NAV3: variants seen among roughly 807,000 people sequenced by gnomAD.
NAV3 encodes neuron navigator 3.
NAV3 carries 87 observed loss-of-function variants against 244.7 expected under a neutral mutation model. That is an observed-to-expected ratio of 0.36 (90% CI 0.30 to 0.42). NAV3 has a LOEUF of 0.42. Among genes scored for constraint, NAV3 ranks in the 20% least tolerant of loss-of-function variants. NAV3 has a pLI of 1.00. For missense variants in NAV3, 2,663 were observed against 2,893.3 expected (o/e 0.92, Z 1.83); for synonymous variants, 1,126 against 1,042.2 (o/e 1.08, Z -1.55).
chr12:77,592,681 G>A (rs977956389), intron 2 of NAV3, among the ~76,000 whole-genome samples: 1 of 152,126 alleles, frequency 6.6e-6, no homozygotes, highest in Non-Finnish European at 1.5e-5. Context: ...TGCATGTGTT[G>A]TACTTTTTCA....
At chr12:77,970,000 C>T in intron 5 of NAV3, among the ~76,000 whole-genome samples, 1 of 152,160 alleles carries the variant, frequency 6.6e-6, no homozygotes, top group East Asian at 1.9e-4. Flanking sequence ...ATAATTTAGA[C>T]TATAGTCTAA....
chr12:78,032,992 T>C (rs1879253703), intron 9 of NAV3, among the ~76,000 whole-genome samples: 1 of 152,188 alleles, frequency 6.6e-6, no homozygotes, highest in South Asian at 2.1e-4. Flanking sequence ...GGAATTTATA[T>C]TCAACTGAAA....
chr12:78,070,779 A>T (rs907209531), intron 12 of NAV3, among the ~76,000 whole-genome samples: 2 of 143,812 alleles, frequency 1.4e-5, no homozygotes, highest in Admixed American at 7.3e-5. Flanking sequence ...TTCAATTCCC[A>T]CCTATGAGTG....
At chr12:77,609,001 A>C (rs1357539158) in intron 2 of NAV3, among the ~76,000 whole-genome samples, 1 of 152,096 alleles carries the variant, frequency 6.6e-6, no homozygotes, top group Non-Finnish European at 1.5e-5. Context: ...TGGTAATCAC[A>C]TTTTTATTTG....
chr12:78,171,702 C>T (rs570861842), intron 24 of NAV3, among the ~76,000 whole-genome samples: 35 of 151,488 alleles, frequency 2.3e-4, no homozygotes, highest in African/African-American at 8.4e-4. Context: ...ATGTGTCTTT[C>T]CATGGGTTAT....
At chr12:77,639,274 AGGT>A in intron 2 of NAV3, among the ~76,000 whole-genome samples, 1 of 152,320 alleles carries the variant, frequency 6.6e-6, no homozygotes, top group Non-Finnish European at 1.5e-5. Context: ...CAATTTAGTC[AGGT>A]GTACTTGTCT....
chr12:78,041,302 G>A (rs768916737), intron 9 of NAV3, among the ~76,000 whole-genome samples: 8 of 152,260 alleles, frequency 5.3e-5, no homozygotes, highest in Middle Eastern at 3.4e-3. Flanking sequence ...TACTTTAATT[G>A]TTCAAATGAT....
Position 78,159,122 on chromosome 12 carries a change from G to C in NAV3, c.4786-81G>C, listed in dbSNP as rs905867079. On this transcript the variant is annotated intron_variant, in intron 22 of 39. Coordinates refer to ENST00000397909, the MANE Select transcript of NAV3 (RefSeq NM_001024383.2). ...AAAGAGTTGGAACACATGAAATTAA[G>C]CATTTTGTAAAATGAAGGCTTTTCA... The C allele has an allele frequency of 3.6e-5, 42 of 1,166,730 alleles. No individual in the cohort carries two copies. The African/African-American group carries it at 6.2e-4, about 17-fold the overall frequency. The allele number at this position is 1,166,730 out of a possible 1,614,324, so 72.3% of individuals were successfully genotyped here.
intron 9 of NAV3, chr12:78,036,456 G>C (rs538267778): frequency 1.2e-5 from 2 of 164,900 alleles, no homozygotes; most frequent in Non-Finnish European, 2.7e-5. Flanking sequence ...CAAAAAGCAA[G>C]AGACCTCAGC....
At chr12:77,624,606 G>A (rs940402577) in intron 2 of NAV3, among the ~76,000 whole-genome samples, 2 of 152,078 alleles carry the variant, frequency 1.3e-5, no homozygotes, top group Non-Finnish European at 2.9e-5. Flanking sequence ...GTATGAAGTG[G>A]CTGTTGAAGG....
At chr12:78,035,802 G>C (rs142931809) in intron 9 of NAV3, among the ~76,000 whole-genome samples, 3 of 152,184 alleles carry the variant, frequency 2.0e-5, no homozygotes, top group South Asian at 2.1e-4. Flanking sequence ...AAATAAGAAG[G>C]CTTTGACTTT....
intron 22 of NAV3, among the ~76,000 whole-genome samples, chr12:78,149,707 C>A (rs2139240606): frequency 6.6e-6 from 1 of 152,200 alleles, no homozygotes; most frequent in East Asian, 1.9e-4. Context: ...AGTTCTGCTG[C>A]ATAGCTTTGG....
At position 78,058,642 on chromosome 12, in the gene NAV3, C is replaced by T. The variant is rs1276994933; in HGVS notation, c.2517-354C>T. Among the ~76,000 whole-genome samples the T allele has an allele frequency of 6.6e-4, 100 of 152,154 alleles. 1 individual carries two copies. The highest frequency in any genetic ancestry group is 2.9e-5 in the Non-Finnish European group (2 of 67,998). ...TATGACCTCTTCAAAAACAGTATTT[C>T]AAAAATGAAATTTTCTTTCTTTTAA... is the stretch of plus-strand genomic sequence containing the variant. On this transcript the variant is annotated intron_variant, in intron 11 of 39. Transcript: ENST00000397909.
At chr12:77,714,036 C>G (rs1281315921) in intron 2 of NAV3, among the ~76,000 whole-genome samples, 1 of 151,840 alleles carries the variant, frequency 6.6e-6, no homozygotes, top group Non-Finnish European at 1.5e-5. Flanking sequence ...TTTTGCAGAT[C>G]TATATATTTT....
chr12:77,766,432 T>C (rs1229419055), intron 2 of NAV3, among the ~76,000 whole-genome samples: 1 of 152,242 alleles, frequency 6.6e-6, no homozygotes, highest in Non-Finnish European at 1.5e-5. Flanking sequence ...CTTTCTCTAG[T>C]GGCTGGCCAA....
Position 78,190,212 on chromosome 12 carries a change from C to A in NAV3, c.6284C>A (p.Ser2095Ter). ...AIATFNVDHK[S>*]SKELQQYLAN... ...GCCACTTTTAATGTGGACCACAAGT[C>A]AAGTAAGGTATGTTACAGAATTCTA... The change falls in exon 34 of 40, where the codon TCA becomes TAA. Residue 2095 changes from serine to a stop codon, truncating the protein, a stop_gained. Coordinates refer to ENST00000397909, the MANE Select transcript of NAV3 (RefSeq NM_001024383.2). LOFTEE classifies it high-confidence loss of function. The A allele has an allele frequency of 6.2e-7, 1 of 1,610,440 alleles. No homozygotes were observed. Among genetic ancestry groups the A allele is most frequent in the South Asian group, 1.1e-5 (1 of 90,856 alleles).
At chr12:77,998,215 C>A in intron 6 of NAV3, 122 bp from the exon 7 acceptor site, 1 of 639,046 alleles carries the variant, frequency 1.6e-6, no homozygotes, top group Non-Finnish European at 2.4e-6. Context: ...ACATCTATCA[C>A]CATTTTCTGC....
chr12:77,867,520 T>C (rs3934144), intron 1 of NAV3, among the ~76,000 whole-genome samples: 37,210 of 151,902 alleles, frequency 0.24, 4,973 homozygotes, highest in South Asian at 0.36. Context: ...CCCAGGTTCA[T>C]GCCATTCTCC....
chr12:78,030,007 T>A (rs560358011), intron 9 of NAV3, among the ~76,000 whole-genome samples: 18 of 152,228 alleles, frequency 1.2e-4, no homozygotes, highest in East Asian at 3.9e-4. Context: ...AAAAAATTTT[T>A]AAAAATGTAT....
Sources: gnomAD v4.1 joint callset for allele counts (sites outside exome capture counted in the v4.1 genomes callset) on GRCh38, gnomAD v4.1.1 for gene constraint, MANE v1.5 for transcripts, NCBI Gene and HGNC (gene_info 2026-07-23, HGNC 2026-07-21) for gene names.